SYNE2: variants seen among roughly 807,000 people sequenced by gnomAD.
SYNE2 encodes spectrin repeat containing nuclear envelope protein 2, also known as nesprin-2.
A neutral mutation model predicts 856.3 loss-of-function variants in SYNE2; 431 were observed. That is an observed-to-expected ratio of 0.50 (90% CI 0.47 to 0.55). SYNE2 has a LOEUF of 0.55. SYNE2 is among the 20% of genes least tolerant of loss of function. The pLI, the probability that SYNE2 is intolerant of heterozygous loss-of-function variation, is 0.00. For synonymous variants in SYNE2, 2,923 were observed against 2,872.3 expected (o/e 1.02, Z -0.56); for missense variants, 8,129 against 8,023.2 (o/e 1.01, Z -0.50).
chr14:63,848,107 G>A (rs1171310341), upstream of SYNE2, among the ~76,000 whole-genome samples: 3 of 151,982 alleles, frequency 2.0e-5, no homozygotes, highest in African/African-American at 7.2e-5. Context: ...GGATGGTCTC[G>A]AACTCCTCAC....
At chr14:63,796,057 T>C (rs557384744) in intron 1 of SYNE2, among the ~76,000 whole-genome samples, 2 of 152,304 alleles carry the variant, frequency 1.3e-5, no homozygotes, top group South Asian at 2.1e-4. Context: ...TTAGTAAATA[T>C]CAAAATCTGT....
Position 64,193,952 on chromosome 14 carries a change from C to T in SYNE2, c.18038+3715C>T, listed in dbSNP as rs545975607. 2.0e-4 allele frequency among the ~76,000 whole-genome samples: 31 copies of T among 152,222 alleles called. 1 individual carries two copies. The highest frequency in any genetic ancestry group is 6.7e-4 in the African/African-American group (28 of 41,512). Reference sequence around the variant, plus strand: ...AGCCAAGGACAATGGGAATTCTGCCCGGGACAGGAATGTGCACATAAGATT... The same window carrying T: ...AGCCAAGGACAATGGGAATTCTGCCTGGGACAGGAATGTGCACATAAGATT... On this transcript the variant is annotated intron_variant, in intron 99 of 115. Coordinates refer to ENST00000555002, the MANE Select transcript of SYNE2 (RefSeq NM_182914.3).
intron 114 of SYNE2, 78 bp from the exon 115 acceptor site, chr14:64,224,921 G>C: frequency 7.8e-7 from 1 of 1,274,068 alleles, no homozygotes; most frequent in Non-Finnish European, 1.1e-6. Context: ...ATAATTTAAG[G>C]GAGGATTTTT....
At position 63,836,996 on chromosome 14, in the gene SYNE2, T is replaced by G. The variant is rs150990810; in HGVS notation, c.-304-15505T>G. ...ATAACTCATTTTATCAATCCATTCTTTCATCTTTGGACACTGGGGAGCTTT... is the reference window on the plus strand; with the variant it reads ...ATAACTCATTTTATCAATCCATTCTGTCATCTTTGGACACTGGGGAGCTTT... On this transcript the variant is annotated intron_variant, in intron 1 of 23. Coordinates refer to the SYNE2 transcript ENST00000674003. 7.5e-3 allele frequency among the ~76,000 whole-genome samples: 1,139 copies of G among 152,296 alleles called. 6 individuals are homozygous for G. The highest frequency in any genetic ancestry group is 0.017 in the Admixed American group (259 of 15,280).
At chr14:63,834,526 C>T (rs997982786) in intron 1 of SYNE2, among the ~76,000 whole-genome samples, 8 of 152,078 alleles carry the variant, frequency 5.3e-5, no homozygotes, top group Non-Finnish European at 1.2e-4. Context: ...TTAGGTCTTG[C>T]TATGTTGCCC....
intron 38 of SYNE2, chr14:64,023,935 C>G: frequency 3.3e-6 from 1 of 302,108 alleles, no homozygotes; most frequent in South Asian, 3.5e-5. Flanking sequence ...AGATAAAATT[C>G]TTATTTGGGC....
At chr14:64,026,532 T>C in intron 41 of SYNE2, 47 bp from the exon 42 acceptor site, 2 of 1,464,152 alleles carry the variant, frequency 1.4e-6, no homozygotes, top group Non-Finnish European at 1.9e-6. Context: ...ATGTAGTATC[T>C]CTAAGTAATG....
At position 64,034,127 on chromosome 14, in the gene SYNE2, A is replaced by C. The variant is rs546653602; in HGVS notation, c.7221+2770A>C. Among the ~76,000 whole-genome samples the C allele has an allele frequency of 4.6e-4, 70 of 152,254 alleles. 1 individual carries two copies. The highest frequency in any genetic ancestry group is 9.1e-4 in the Non-Finnish European group (62 of 68,044). ...AAGTACATGTATAATGTGACAAATG[A>C]CATAACTGTGTTAATGACTGAAGCT... On this transcript the variant is annotated intron_variant, in intron 45 of 115. Coordinates refer to ENST00000555002, the MANE Select transcript of SYNE2 (RefSeq NM_182914.3).
intron 11 of SYNE2, among the ~76,000 whole-genome samples, chr14:63,974,471 GCCCAGCCCCGAT>G (rs2096512797): frequency 6.6e-6 from 1 of 152,096 alleles, no homozygotes; most frequent in Admixed American, 6.6e-5. Flanking sequence ...CTCCTGTTAG[GCCCAGCCCCGAT>G]ACTGGGTATC....
chr14:63,984,007 C>A, intron 18 of SYNE2, 121 bp downstream of exon 18: 1 of 698,726 alleles, frequency 1.4e-6, no homozygotes, highest in Non-Finnish European at 2.4e-6. Context: ...TTTGGGAGGA[C>A]AAAACAGGTG....
At chr14:63,888,780 A>G (rs1385323072) in intron 1 of SYNE2, among the ~76,000 whole-genome samples, 2 of 152,238 alleles carry the variant, frequency 1.3e-5, no homozygotes, top group East Asian at 1.9e-4. Context: ...TTTCCAATGT[A>G]AATTTTTATG....
chr14:64,177,606 C>T (rs2098440838), intron 96 of SYNE2, 123 bp downstream of exon 96: 2 of 1,291,916 alleles, frequency 1.5e-6, no homozygotes, highest in Non-Finnish European at 2.2e-6. Context: ...AAATATTTTC[C>T]CGATCTGTCT....
chr14:63,844,312 C>T (rs557417050), intron 1 of SYNE2, among the ~76,000 whole-genome samples: 12 of 152,322 alleles, frequency 7.9e-5, no homozygotes, highest in African/African-American at 2.4e-4. Flanking sequence ...TAGTAACATG[C>T]ACTTAAGTTT....
At chr14:64,166,080 C>T (rs1400526208) in intron 90 of SYNE2, among the ~76,000 whole-genome samples, 1 of 152,132 alleles carries the variant, frequency 6.6e-6, no homozygotes, top group Non-Finnish European at 1.5e-5. Context: ...GTTTAGTAAA[C>T]ATAAATGACT....
At chr14:63,948,788 A>ATG (rs1180424821) in intron 6 of SYNE2, among the ~76,000 whole-genome samples, 2 of 57,076 alleles carry the variant, frequency 3.5e-5, no homozygotes, top group African/African-American at 1.2e-4. Flanking sequence ...GTGTGTATAT[A>ATG]TATATATATA....
At chr14:63,973,448 A>G (rs1023672327) in intron 11 of SYNE2, among the ~76,000 whole-genome samples, 1 of 151,918 alleles carries the variant, frequency 6.6e-6, no homozygotes, top group African/African-American at 2.4e-5. Context: ...CCTGGTCAAC[A>G]TGGTGAAACC....
chr14:64,159,395 C>T lies in SYNE2; in HGVS notation c.16047C>T (p.Pro5349=). The T allele has an allele frequency of 1.9e-6, 3 of 1,613,956 alleles. No individual in the cohort carries two copies. The highest frequency in any genetic ancestry group is 1.7e-6 in the Non-Finnish European group (2 of 1,179,900). Residue 5349 remains proline (P), a synonymous_variant, in exon 87 of 116, where the codon CCC becomes CCT. Transcript: ENST00000555002. ...TCGGCAAACTCAAAGGTCTCTGCCC[C>T]TCTGTTGCTGAAATAATCGAAGAGA... is the stretch of plus-strand genomic sequence containing the variant. ...EVIGKLKGLC[P]SVAEIIEEKC...
intron 1 of SYNE2, among the ~76,000 whole-genome samples, chr14:63,810,271 A>G (rs917342462): frequency 2.0e-5 from 3 of 152,086 alleles, no homozygotes; most frequent in Non-Finnish European, 4.4e-5. Flanking sequence ...AAGATGTTTA[A>G]CTGATTAGCA....
intron 33 of SYNE2, among the ~76,000 whole-genome samples, chr14:64,017,033 A>C (rs2096897004): frequency 6.6e-6 from 1 of 152,150 alleles, no homozygotes; most frequent in Non-Finnish European, 1.5e-5. Context: ...TGTGGTTTAG[A>C]AATGAAGAAG....
Sources: gnomAD v4.1 joint callset for allele counts (sites outside exome capture counted in the v4.1 genomes callset) on GRCh38, gnomAD v4.1.1 for gene constraint, MANE v1.5 for transcripts, NCBI Gene and HGNC (gene_info 2026-07-23, HGNC 2026-07-21) for gene names.